Variants in PM20D1 observed in about 807,000 individuals in gnomAD.
PM20D1 encodes peptidase M20 domain containing 1.
PM20D1 carries 53 observed loss-of-function variants against 53.8 expected under a neutral mutation model. That is an observed-to-expected ratio of 0.98 (90% CI 0.79 to 1.24). The LOEUF (loss-of-function observed/expected upper bound fraction) is 1.24. Among genes scored for constraint, PM20D1 ranks in the 50% most tolerant of loss-of-function variants. The pLI, the probability that PM20D1 is intolerant of heterozygous loss-of-function variation, is 0.00. For missense variants in PM20D1, 564 were observed against 616.8 expected, an observed-to-expected ratio of 0.91 and a Z score of 0.91; for synonymous variants, 239 against 241.3, an observed-to-expected ratio of 0.99 and a Z score of 0.09.
intron 10 of PM20D1, 22 bp from the exon 11 acceptor site, chr1:205,832,788 G>T: frequency 1.3e-6 from 2 of 1,536,446 alleles, no homozygotes; most frequent in Non-Finnish European, 1.7e-6. Context: ...AAACAAAGGG[G>T]GTTCGATTTC....
rs758143959 is a variant in PM20D1 at position 205,849,947 on chromosome 1, C to G, written c.126G>C (p.Gln42His). Residue 42 changes from glutamine (Q) to histidine (H), a missense_variant, in exon 1 of 13, where the codon CAG becomes CAC. Physicochemically the swap from Gln to His is conservative, Grantham distance 24. Coordinates refer to ENST00000367136, the MANE Select transcript of PM20D1 (RefSeq NM_152491.5). ...EHQRASRIPSQFSKEERVAMK... is the reference protein window; with the variant it reads ...EHQRASRIPSHFSKEERVAMK... ...TCGCGACGCGTTCCTCTTTGCTGAA[C>G]TGAGAAGGGATTCGCGACGCCCTTT... The G allele has an allele frequency of 6.2e-7, 1 of 1,614,094 alleles. No individual in the cohort carries two copies. Among genetic ancestry groups the G allele is most frequent in the South Asian group, 1.1e-5 (1 of 91,078 alleles).
rs1348749032 is a variant in PM20D1 at position 205,849,962 on chromosome 1, C to G, written c.111G>C (p.Ser37=). 5 of 1,613,964 alleles carry G rather than the reference C, an allele frequency of 3.1e-6. No individual in the cohort carries two copies. The highest frequency in any genetic ancestry group is 4.2e-6 in the Non-Finnish European group (5 of 1,179,998). Residue 37 remains serine (S), a synonymous_variant, in exon 1 of 13, where the codon TCG becomes TCC. Transcript: ENST00000367136. ...GPRSGEHQRA[S]RIPSQFSKEE... ...CTTTGCTGAACTGAGAAGGGATTCG[C>G]GACGCCCTTTGATGCTCCCCGCTCC...
intron 8 of PM20D1, 72 bp from the exon 9 acceptor site, chr1:205,841,961 C>A (rs1023019681): frequency 7.1e-7 from 1 of 1,400,262 alleles, no homozygotes; most frequent in African/African-American, 1.4e-5. Flanking sequence ...AAACATTACC[C>A]ACTTTCCTGA....
chr1:205,845,284 T>C (rs776710938), intron 3 of PM20D1, 41 bp downstream of exon 3: 5 of 1,585,710 alleles, frequency 3.2e-6, no homozygotes, highest in Non-Finnish European at 3.5e-6. Context: ...TCCTGATTGA[T>C]CTTTAGGGCC....
rs1558096744 is a variant in PM20D1 at position 205,850,062 on chromosome 1, C to A, written c.11G>T (p.Arg4Leu). 2 of 1,613,266 alleles carry A rather than the reference C, an allele frequency of 1.2e-6. No homozygotes were observed. The highest frequency in any genetic ancestry group is 4.5e-5 in the East Asian group (2 of 44,846). The change falls in exon 1 of 13, where the codon CGG becomes CTG. Residue 4 changes from arginine to leucine, a missense_variant. Transcript: ENST00000367136. ...CACCAGGGCCAGCACGCAAACGCAC[C>A]GCTGAGCCATGCTTCTCTCGAGCTC... MAQRCVCVLALVAM... is the reference protein window; with the variant it reads MAQLCVCVLALVAM...
rs1166953221 is a variant in PM20D1, at chr1:205,844,097, G to A, written c.697C>T (p.Pro233Ser). ...GGATGCTTTACTCACAAGGCGATGG[G>A]CTTCTTGAAGTTAGGAATGAAATCA... Reference protein sequence around the residue: ...LDDFIPNFKKPIALIAVSEKG... With the variant: ...LDDFIPNFKKSIALIAVSEKG... Residue 233 changes from proline (P) to serine (S), a missense_variant, in exon 5 of 13, where the codon CCC becomes TCC. Pro to Ser is a moderately conservative substitution (Grantham distance 74). Coordinates refer to ENST00000367136, the MANE Select transcript of PM20D1 (RefSeq NM_152491.5). 6.2e-7 allele frequency: 1 copy of A among 1,612,142 alleles called. No homozygotes were observed. The highest frequency in any genetic ancestry group is 1.7e-5 in the Admixed American group (1 of 59,778).
intron 2 of PM20D1, among the ~76,000 whole-genome samples, chr1:205,846,693 C>T (rs1180244817): frequency 6.6e-6 from 1 of 152,196 alleles, no homozygotes; most frequent in Non-Finnish European, 1.5e-5. Flanking sequence ...CAAGGTCGTA[C>T]TTCTGCGTGC....
rs917741356 is a variant in PM20D1 at position 205,844,326 on chromosome 1, C to T, written c.577-109G>A. The T allele has an allele frequency of 2.8e-5, 36 of 1,295,596 alleles. No individual in the cohort carries two copies. The East Asian group carries it at 4.0e-4, about 14-fold the overall frequency. 80.3% of individuals were successfully genotyped at this position (1,295,596 alleles called of 1,614,324 possible). On this transcript the variant is annotated intron_variant, in intron 4 of 12. Transcript: ENST00000367136. ...AGCTAGGGGCTCCAGAACCTTTCTA[C>T]CTAGTCTCCTTCCTGGGAGCCAGGG...
At chr1:205,838,337 G>A (rs1355653684) in intron 10 of PM20D1, among the ~76,000 whole-genome samples, 2 of 152,070 alleles carry the variant, frequency 1.3e-5, no homozygotes, top group Non-Finnish European at 2.9e-5. Flanking sequence ...ATTTACTGTG[G>A]ATGTCAGACA....
At position 205,828,394 on chromosome 1, in the gene PM20D1, G is replaced by A. The variant is rs967322642; in HGVS notation, c.*226C>T. 4.0e-6 allele frequency: 2 copies of A among 505,970 alleles called. No individual in the cohort carries two copies. The highest frequency in any genetic ancestry group is 3.9e-5 in the African/African-American group (2 of 51,638). The allele number at this position is 505,970 out of a possible 1,614,324, so 31.3% of individuals were successfully genotyped here. On this transcript the variant is annotated 3_prime_UTR_variant, in exon 13 of 13. Transcript: ENST00000367136. ...GATAAGGGACAAGAGGGCAGCAAAT[G>A]CCAGTGGATCAAGGGATGCAGATGT...
chr1:205,832,154 AT>A (rs1342682410), intron 11 of PM20D1, among the ~76,000 whole-genome samples: 11 of 152,070 alleles, frequency 7.2e-5, no homozygotes, highest in African/African-American at 2.7e-4. Flanking sequence ...TGCTGCTGGG[AT>A]TGGTCTGGGC....
intron 9 of PM20D1, 54 bp downstream of exon 9, chr1:205,841,757 G>T: frequency 6.8e-7 from 1 of 1,460,214 alleles, no homozygotes; most frequent in Non-Finnish European, 9.4e-7. Context: ...TCAAGGAAGG[G>T]AGGAGTGGAG....
chr1:205,843,846 G>A, intron 5 of PM20D1, 60 bp from the exon 6 acceptor site: 2 of 1,586,538 alleles, frequency 1.3e-6, no homozygotes, highest in African/African-American at 1.3e-5. Flanking sequence ...TTCTCCCATA[G>A]GCCCATAGGT....
Position 205,849,888 on chromosome 1 carries a change from G to C in PM20D1, c.169+16C>G, listed in dbSNP as rs749452955. On this transcript the variant is annotated intron_variant, in intron 1 of 12. Coordinates refer to ENST00000367136, the MANE Select transcript of PM20D1 (RefSeq NM_152491.5). ...CCACATATGAGCATAGGTGGGTGAA[G>C]GGGACCCGGGTTCACCTTTCAGCGC... The C allele has an allele frequency of 3.1e-6, 5 of 1,603,966 alleles. No individual in the cohort carries two copies. Among genetic ancestry groups the C allele is most frequent in the Non-Finnish European group, 3.4e-6 (4 of 1,173,234 alleles).
At position 205,850,012 on chromosome 1, in the gene PM20D1, T is replaced by C. The variant is rs1657097147; in HGVS notation, c.61A>G (p.Thr21Ala). The C allele has an allele frequency of 6.2e-7, 1 of 1,614,072 alleles. No individual in the cohort carries two copies. ...LVAMLLLVFP[T>A]VSRSMGPRSG... ...CTCGGGCCCATCGATCTGGAGACGG[T>C]AGGGAAAACTAGGAGCAGCATAGCC... The change falls in exon 1 of 13, where the codon ACC (threonine) becomes GCC (alanine). Residue 21 changes from threonine to alanine, a missense_variant. Physicochemically the swap from Thr to Ala is moderately conservative, Grantham distance 58. Coordinates refer to ENST00000367136, the MANE Select transcript of PM20D1 (RefSeq NM_152491.5).
At chr1:205,837,626 C>A (rs1440176760) in intron 10 of PM20D1, among the ~76,000 whole-genome samples, 2 of 152,188 alleles carry the variant, frequency 1.3e-5, no homozygotes, top group Non-Finnish European at 2.9e-5. Flanking sequence ...GAGGAGTAAC[C>A]AGGACAAATG....
At chr1:205,829,746 T>C (rs780284504) in intron 12 of PM20D1, 1 of 153,248 alleles carries the variant, frequency 6.5e-6, no homozygotes, top group Non-Finnish European at 1.5e-5. Context: ...TAAATGGAAA[T>C]CATCCTCCCA....
At chr1:205,841,701 G>A (rs1405790978) in intron 9 of PM20D1, 110 bp downstream of exon 9, 1 of 1,149,760 alleles carries the variant, frequency 8.7e-7, no homozygotes, top group Non-Finnish European at 1.3e-6. Flanking sequence ...GCTAGGCTTG[G>A]ATCCAGCTGA....
At chr1:205,831,848 C>T (rs1656569281) in intron 11 of PM20D1, among the ~76,000 whole-genome samples, 1 of 152,156 alleles carries the variant, frequency 6.6e-6, no homozygotes, top group Non-Finnish European at 1.5e-5. Context: ...AGGTGTGAGC[C>T]ACCGTGCCCG....
Sources: allele counts gnomAD v4.1 joint callset (sites outside exome capture counted in the v4.1 genomes callset), GRCh38; gene constraint gnomAD v4.1.1; transcripts MANE v1.5; gene names NCBI Gene and HGNC (gene_info 2026-07-23, HGNC 2026-07-21).